Variants in MAP2K5 observed in about 807,000 individuals in gnomAD.
MAP2K5 encodes the protein dual specificity mitogen-activated protein kinase kinase 5.
A neutral mutation model predicts 83.1 loss-of-function variants in MAP2K5; 49 were observed. That is an observed-to-expected ratio of 0.59 (90% CI 0.47 to 0.75). MAP2K5 has a LOEUF of 0.75. MAP2K5 is among the 30% of genes least tolerant of loss of function. MAP2K5 has a pLI of 0.00. For synonymous variants in MAP2K5, 202 were observed against 191.8 expected, an observed-to-expected ratio of 1.05 and a Z score of -0.44; for missense variants, 457 against 557.5, an observed-to-expected ratio of 0.82 and a Z score of 1.82.
At chr15:67,787,770 A>G (rs996807032) in intron 21 of MAP2K5, among the ~76,000 whole-genome samples, 1 of 152,244 alleles carries the variant, frequency 6.6e-6, no homozygotes, top group Non-Finnish European at 1.5e-5. Context: ...CAAAATTTAA[A>G]TGAGATTTTT....
chr15:67,580,598 A>G (rs1040666623), intron 3 of MAP2K5, among the ~76,000 whole-genome samples, 156 bp from the exon 4 acceptor site: 4 of 152,188 alleles, frequency 2.6e-5, no homozygotes, highest in Admixed American at 6.5e-5. Context: ...AATATTCACT[A>G]TAGTCATTTT....
In MAP2K5 at chr15:67,658,621, A is replaced by G. The variant is rs1316228977; in HGVS notation, c.798+7A>G. 3 of 1,606,998 alleles carry G rather than the reference A, an allele frequency of 1.9e-6. No individual in the cohort carries two copies. The highest frequency in any genetic ancestry group is 2.7e-5 in the African/African-American group (2 of 74,742). ...TGGAAGAATTGCAGTAGCAGTAAGT[A>G]TATGGCTTCAGTGTTAGGAAATTTG... On this transcript the variant is annotated splice_region_variant and intron_variant, in intron 12 of 21. Transcript: ENST00000178640.
At chr15:67,632,338 G>A (rs975650105) in intron 9 of MAP2K5, among the ~76,000 whole-genome samples, 11 of 152,088 alleles carry the variant, frequency 7.2e-5, no homozygotes, top group African/African-American at 1.9e-4. Flanking sequence ...GGGCTTAAGC[G>A]ATCCTCCTGT....
At chr15:67,739,437 TATATATATATATATATATATATATA>T (rs1438732665) in intron 17 of MAP2K5, among the ~76,000 whole-genome samples, 3 of 9,622 alleles carry the variant, frequency 3.1e-4, no homozygotes, top group East Asian at 0.012. Context: ...TATATATATA[TATATATATATATATATATATATATA>T]TTTTTTTTTT....
intron 8 of MAP2K5, among the ~76,000 whole-genome samples, chr15:67,621,081 C>A (rs2086173643): frequency 6.6e-6 from 1 of 151,764 alleles, no homozygotes; most frequent in Non-Finnish European, 1.5e-5. Context: ...CAAGACACAG[C>A]AAAATTGAAA....
intron 1 of MAP2K5, among the ~76,000 whole-genome samples, chr15:67,548,319 A>G (rs1444997136): frequency 6.6e-6 from 1 of 152,262 alleles, no homozygotes; most frequent in African/African-American, 2.4e-5. Flanking sequence ...TACACTGGCT[A>G]GAATGAGTGT....
intron 21 of MAP2K5, among the ~76,000 whole-genome samples, chr15:67,788,382 G>A (rs954297055): frequency 2.0e-5 from 3 of 152,156 alleles, no homozygotes; most frequent in Non-Finnish European, 4.4e-5. Context: ...CAGGAAGGTA[G>A]CCTCAGGCTG....
chr15:67,726,014 CTCTT>C (rs1337921193), intron 16 of MAP2K5, among the ~76,000 whole-genome samples: 8 of 152,216 alleles, frequency 5.3e-5, no homozygotes, highest in Non-Finnish European at 8.8e-5. Flanking sequence ...CATCTACACT[CTCTT>C]TCTTTCACCC....
rs2084326690 is a variant in MAP2K5 at position 67,543,114 on chromosome 15, T to TCCCCGGGAGACACCTCAGAC, written c.-216_-197dup. 3.5e-6 allele frequency: 2 copies of TCCCCGGGAGACACCTCAGAC among 573,026 alleles called. No homozygotes were observed. Among genetic ancestry groups the TCCCCGGGAGACACCTCAGAC allele is most frequent in the South Asian group, 4.2e-5 (2 of 47,700 alleles). 35.5% of individuals were successfully genotyped at this position (573,026 alleles called of 1,614,324 possible). A position where few individuals can be genotyped will look rare whatever the true frequency, so the allele number is the denominator to read the frequency against. ...CCTTTGCCCGCTTCCCGGTGCACCCTCCCCGGGAGACACCTCAGACCCCCG... is the reference window on the plus strand; with the variant it reads ...CCTTTGCCCGCTTCCCGGTGCACCCTCCCCGGGAGACACCTCAGACCCCCGGGAGACACCTCAGACCCCCG... On this transcript the variant is annotated 5_prime_UTR_variant, in exon 1 of 22. Coordinates refer to ENST00000178640, the MANE Select transcript of MAP2K5 (RefSeq NM_145160.3). This position sits in a 1 kb window ranked among gnomAD's most constrained non-coding sequence, Gnocchi z 4.3.
At chr15:67,553,739 C>T (rs1459762967) in intron 2 of MAP2K5, among the ~76,000 whole-genome samples, 1 of 150,862 alleles carries the variant, frequency 6.6e-6, no homozygotes, top group Admixed American at 6.6e-5. Context: ...AGGTGAAACC[C>T]CGTCTCTACT....
chr15:67,678,329 A>G (rs1396352988), intron 13 of MAP2K5, among the ~76,000 whole-genome samples: 1 of 152,168 alleles, frequency 6.6e-6, no homozygotes, highest in Non-Finnish European at 1.5e-5. Flanking sequence ...GCTTCCTGGT[A>G]TTCACACAGT....
Position 67,702,161 on chromosome 15 carries a change from T to C in MAP2K5, c.973-1176T>C, listed in dbSNP as rs1400906172. ...TTTATAGTGGATACAGCACTCATAA[T>C]GGTTAGTAATGTAAACTACTCTGTG... On this transcript the variant is annotated intron_variant, in intron 15 of 21. Coordinates refer to ENST00000178640, the MANE Select transcript of MAP2K5 (RefSeq NM_145160.3). This position sits in a 1 kb window ranked among gnomAD's most constrained non-coding sequence, Gnocchi z 4.6. Among the ~76,000 whole-genome samples, 1 of 152,216 alleles carries C rather than the reference T, an allele frequency of 6.6e-6. No homozygotes were observed. The highest frequency in any genetic ancestry group is 1.5e-5 in the Non-Finnish European group (1 of 68,038).
intron 7 of MAP2K5, among the ~76,000 whole-genome samples, chr15:67,597,542 C>T (rs998324948): frequency 6.6e-6 from 1 of 152,106 alleles, no homozygotes; most frequent in Non-Finnish European, 1.5e-5. Flanking sequence ...ATACTTGATC[C>T]CAACTATAAT....
intron 21 of MAP2K5, among the ~76,000 whole-genome samples, chr15:67,795,778 C>T (rs765404678): frequency 3.9e-5 from 6 of 152,208 alleles, no homozygotes; most frequent in Non-Finnish European, 7.3e-5. Context: ...TAATTTCCTA[C>T]CTGCATTATC....
intron 13 of MAP2K5, among the ~76,000 whole-genome samples, chr15:67,688,426 T>TGAGGAAGGGGTGCATATA (rs1393811392): frequency 2.6e-5 from 4 of 152,334 alleles, no homozygotes; most frequent in Admixed American, 6.5e-5. Context: ...TTAGTAGCAT[T>TGAGGAAGGGGTGCATATA]GTTGAGGAAG....
chr15:67,549,950 G>A lies in MAP2K5; in HGVS notation c.136-84G>A, dbSNP rs948190105. On this transcript the variant is annotated intron_variant, in intron 1 of 21. Coordinates refer to ENST00000178640, the MANE Select transcript of MAP2K5 (RefSeq NM_145160.3). Reference sequence around the variant, plus strand: ...CTAACGTTTCAAAAATCTTTCCCAGGTTCTCATATTTCCTGTAGGATTTGC... The same window carrying A: ...CTAACGTTTCAAAAATCTTTCCCAGATTCTCATATTTCCTGTAGGATTTGC... 5.1e-6 allele frequency: 5 copies of A among 981,856 alleles called. No individual in the cohort carries two copies. The Admixed American group carries it at 5.4e-5, about 11-fold the overall frequency. 60.8% of individuals were successfully genotyped at this position (981,856 alleles called of 1,614,324 possible). A position where few individuals can be genotyped will look rare whatever the true frequency, so the allele number is the denominator to read the frequency against.
rs1253909198 is a variant in MAP2K5 at position 67,609,521 on chromosome 15, G to A, written c.545+8772G>A. Among the ~76,000 whole-genome samples the A allele has an allele frequency of 3.5e-5, 4 of 113,664 alleles. 1 individual carries two copies. In the East Asian group the frequency reaches 7.8e-4, roughly 22 times the overall value. The allele number at this position is 113,664 out of a possible 152,430, so 74.6% of individuals were successfully genotyped here. ...TAGATTCTGTAGACCTATTCTATAG[G>A]TCTGTAGATTCTGTAGACCTATTCT... On this transcript the variant is annotated intron_variant, in intron 8 of 21. Coordinates refer to ENST00000178640, the MANE Select transcript of MAP2K5 (RefSeq NM_145160.3).
chr15:67,743,893 G>T (rs529898385), intron 17 of MAP2K5, among the ~76,000 whole-genome samples: 1 of 152,284 alleles, frequency 6.6e-6, no homozygotes, highest in South Asian at 2.1e-4. Flanking sequence ...ACTGAAGGGA[G>T]GGGGCTTCTG....
At chr15:67,629,007 G>A (rs1272032157) in intron 8 of MAP2K5, 3 of 757,694 alleles carry the variant, frequency 4.0e-6, no homozygotes, top group Non-Finnish European at 4.8e-6. Context: ...CGTGAAGGGA[G>A]GAAACTTTGG....
Sources: allele counts gnomAD v4.1 joint callset (sites outside exome capture counted in the v4.1 genomes callset), GRCh38; gene constraint gnomAD v4.1.1; non-coding constraint Gnocchi (gnomAD v3.1); transcripts MANE v1.5; gene names NCBI Gene and HGNC (gene_info 2026-07-23, HGNC 2026-07-21).